Variants in KLRG1 observed in about 807,000 individuals in gnomAD.
KLRG1 encodes killer cell lectin like receptor G1.
A neutral mutation model predicts 21.8 loss-of-function variants in KLRG1; 16 were observed. The observed-to-expected ratio is 0.73, with a 90% CI of 0.50 to 1.11. KLRG1 has a LOEUF of 1.11. KLRG1 is among the 50% of genes most tolerant of loss of function. The pLI, the probability that KLRG1 is intolerant of heterozygous loss-of-function variation, is 0.00. For synonymous variants in KLRG1, 69 were observed against 75.9 expected (o/e 0.91, Z 0.47); for missense variants, 173 against 218.3 (o/e 0.79, Z 1.31).
At chr12:9,116,898 T>C in the KLRG1 span, among the ~76,000 whole-genome samples, 3 of 151,766 alleles carry the variant, frequency 2.0e-5, no homozygotes, top group East Asian at 5.8e-4. Flanking sequence ...AAATACAGTA[T>C]AAAATACAAT....
At chr12:9,204,647 A>G in the KLRG1 span, among the ~76,000 whole-genome samples, 1 of 152,112 alleles carries the variant, frequency 6.6e-6, no homozygotes, top group African/African-American at 2.4e-5. Flanking sequence ...CACACACACT[A>G]CACAAACACA....
the KLRG1 span, chr12:9,203,955 G>A: frequency 1.1e-5 from 18 of 1,603,294 alleles, no homozygotes; most frequent in East Asian, 4.0e-4. Context: ...ATACTGCCTG[G>A]GAAAGGAAGA....
At chr12:9,146,718 A>G in the KLRG1 span, among the ~76,000 whole-genome samples, 5 of 152,006 alleles carry the variant, frequency 3.3e-5, no homozygotes, top group South Asian at 8.3e-4. Flanking sequence ...TCTCAGGGAG[A>G]AGCAGGAAGC....
chr12:9,163,486 T>G, the KLRG1 span, among the ~76,000 whole-genome samples: 1 of 151,850 alleles, frequency 6.6e-6, no homozygotes, highest in African/African-American at 2.4e-5. Flanking sequence ...TCAAATAATT[T>G]GTGAAAAAAA....
chr12:9,024,568 GA>G, the KLRG1 span, among the ~76,000 whole-genome samples: 7,731 of 152,156 alleles, frequency 0.051, 222 homozygotes, highest in African/African-American at 0.07. Context: ...TATAATGGGG[GA>G]AATCACTGAG....
chr12:9,028,360 G>A, the KLRG1 span, among the ~76,000 whole-genome samples: 1 of 151,626 alleles, frequency 6.6e-6, no homozygotes, highest in African/African-American at 2.4e-5. Context: ...ATGTTGGCCA[G>A]GCTGGTCTCA....
chr12:8,994,938 A>G (rs868240728), intron 2 of KLRG1, among the ~76,000 whole-genome samples, 181 bp from the exon 3 acceptor site: 1 of 152,180 alleles, frequency 6.6e-6, no homozygotes, highest in Non-Finnish European at 1.5e-5. Flanking sequence ...GTTGGACATT[A>G]TGAGGACATT....
At chr12:9,024,650 G>T in the KLRG1 span, among the ~76,000 whole-genome samples, 1 of 152,076 alleles carries the variant, frequency 6.6e-6, no homozygotes, top group Non-Finnish European at 1.5e-5. Context: ...ACTCTCCAGC[G>T]ATGTATAAAT....
At chr12:9,103,977 CA>C in the KLRG1 span, among the ~76,000 whole-genome samples, 1 of 152,248 alleles carries the variant, frequency 6.6e-6, no homozygotes, top group South Asian at 2.1e-4. Flanking sequence ...TTAATTTTTT[CA>C]GGAACTACTA....
the KLRG1 span, among the ~76,000 whole-genome samples, chr12:9,085,345 T>C: frequency 6.6e-6 from 1 of 151,872 alleles, no homozygotes; most frequent in Non-Finnish European, 1.5e-5. Context: ...AAACTAGAAA[T>C]GAGTAACAGG....
At chr12:9,112,566 A>G in the KLRG1 span, 6 of 1,612,278 alleles carry the variant, frequency 3.7e-6, no homozygotes, top group Non-Finnish European at 5.1e-6. Context: ...CTGAAACCCC[A>G]TTCAGCACCC....
chr12:9,168,831 G>T, the KLRG1 span: 1 of 1,464,712 alleles, frequency 6.8e-7, no homozygotes, highest in Non-Finnish European at 9.6e-7. Context: ...TAATATTGTT[G>T]GACATGAAAT....
intron 1 of KLRG1, among the ~76,000 whole-genome samples, chr12:8,991,385 C>T (rs1231925863): frequency 2.0e-5 from 3 of 152,154 alleles, no homozygotes; most frequent in Admixed American, 6.6e-5. Context: ...GTTTACAAAG[C>T]ACTTCTGAAA....
At chr12:9,048,864 G>A in the KLRG1 span, among the ~76,000 whole-genome samples, 4 of 150,120 alleles carry the variant, frequency 2.7e-5, no homozygotes, top group Middle Eastern at 6.9e-3. Flanking sequence ...TAAAATGAAA[G>A]GTATACAGAC....
the KLRG1 span, chr12:9,080,170 C>T: frequency 1.7e-5 from 27 of 1,578,094 alleles, no homozygotes; most frequent in East Asian, 3.7e-4. Context: ...CTTCAGAAAC[C>T]TCACCACCTA....
the KLRG1 span, among the ~76,000 whole-genome samples, chr12:9,094,339 G>GTATA: frequency 1.5e-4 from 10 of 65,254 alleles, no homozygotes; most frequent in East Asian, 6.1e-3. Flanking sequence ...AAAAAATTGT[G>GTATA]CATATATATA....
the KLRG1 span, chr12:9,196,552 A>AC: frequency 6.3e-7 from 1 of 1,582,382 alleles, no homozygotes; most frequent in Non-Finnish European, 8.7e-7. Flanking sequence ...TATTTCCCAT[A>AC]TTCGTTCATT....
intron 1 of KLRG1, among the ~76,000 whole-genome samples, chr12:8,977,741 T>C (rs778208763): frequency 6.6e-6 from 1 of 152,334 alleles, no homozygotes; most frequent in African/African-American, 2.4e-5. Flanking sequence ...TAGTGGTTAC[T>C]TTGAGTCTTG....
chr12:9,037,073 G>T, the KLRG1 span: 1 of 170,432 alleles, frequency 5.9e-6, no homozygotes. Context: ...CTGCTTCTAT[G>T]TTTGCAAAAG....
Sources: allele counts gnomAD v4.1 joint callset (sites outside exome capture counted in the v4.1 genomes callset), GRCh38; gene constraint gnomAD v4.1.1; transcripts MANE v1.5; gene names NCBI Gene and HGNC (gene_info 2026-07-23, HGNC 2026-07-21).